DNM3: variants seen among roughly 807,000 people sequenced by gnomAD.
DNM3 encodes the protein dynamin 3.
A neutral mutation model predicts 101.6 loss-of-function variants in DNM3; 47 were observed. The observed-to-expected ratio is 0.46, with a 90% CI of 0.37 to 0.59. DNM3 has a LOEUF of 0.59. DNM3 is among the 20% of genes least tolerant of loss of function. The pLI is 0.00. For synonymous variants in DNM3, 385 were observed against 387.9 expected, an observed-to-expected ratio of 0.99 and a Z score of 0.09; for missense variants, 849 against 1,085.7, an observed-to-expected ratio of 0.78 and a Z score of 3.06.
chr1:172,111,772 T>G (rs1434426443), intron 13 of DNM3, among the ~76,000 whole-genome samples: 1 of 152,150 alleles, frequency 6.6e-6, no homozygotes, highest in East Asian at 1.9e-4. Flanking sequence ...TACCAGAGCT[T>G]CTTTATTTGT....
chr1:171,848,566 A>C (rs1385944778), intron 1 of DNM3, among the ~76,000 whole-genome samples: 1 of 152,204 alleles, frequency 6.6e-6, no homozygotes, highest in Non-Finnish European at 1.5e-5. Context: ...GAGCTTCTGA[A>C]AAGTTGTATG....
chr1:171,983,272 C>T (rs369747146), intron 2 of DNM3, among the ~76,000 whole-genome samples: 1 of 151,956 alleles, frequency 6.6e-6, no homozygotes, highest in Admixed American at 6.6e-5. Flanking sequence ...CCAGGCAACA[C>T]AGTGAGACCT....
chr1:172,061,653 T>A (rs375742586), intron 10 of DNM3, among the ~76,000 whole-genome samples: 4 of 136,918 alleles, frequency 2.9e-5, no homozygotes, highest in South Asian at 2.3e-4. Context: ...AACAATGAGA[T>A]CACATGGACA....
intron 4 of DNM3, among the ~76,000 whole-genome samples, chr1:172,002,228 T>G (rs2046398355): frequency 6.6e-6 from 1 of 152,078 alleles, no homozygotes; most frequent in South Asian, 2.1e-4. Flanking sequence ...TTGAATCAGT[T>G]AATATGTATG....
intron 4 of DNM3, among the ~76,000 whole-genome samples, chr1:172,009,254 T>C (rs1310254569): frequency 1.3e-5 from 2 of 148,328 alleles, no homozygotes; most frequent in African/African-American, 4.9e-5. Flanking sequence ...TCTAACCCTA[T>C]GCCAATAATG....
intron 1 of DNM3, among the ~76,000 whole-genome samples, chr1:171,885,787 A>G (rs1208712018): frequency 6.6e-6 from 1 of 152,122 alleles, no homozygotes; most frequent in Non-Finnish European, 1.5e-5. Flanking sequence ...CTTTTCTCCT[A>G]AAGGCAGACT....
At chr1:172,334,499 A>G (rs1168427576) in intron 17 of DNM3, among the ~76,000 whole-genome samples, 1 of 152,076 alleles carries the variant, frequency 6.6e-6, no homozygotes, top group Non-Finnish European at 1.5e-5. Flanking sequence ...AAAATGATAA[A>G]CCCTGATCTC....
intron 15 of DNM3, among the ~76,000 whole-genome samples, chr1:172,307,263 C>T (rs989990314): frequency 6.6e-6 from 1 of 152,074 alleles, no homozygotes; most frequent in African/African-American, 2.4e-5. Context: ...TTTATGCAGA[C>T]ACATGAAAAA....
rs557417496 is a variant in DNM3, at chr1:172,197,134, A to C, written c.1660-56439A>C. 2.6e-5 allele frequency among the ~76,000 whole-genome samples: 4 copies of C among 152,272 alleles called. No homozygotes were observed. The South Asian group carries it at 8.3e-4, about 32-fold the overall frequency. The stretch of plus-strand genomic sequence containing the variant: ...TTCAGTCTTCTGCATATGGCTAGCC[A>C]GTTATCCCAGCACCATTTATTGAAT... On this transcript the variant is annotated intron_variant, in intron 14 of 20. Transcript: ENST00000627582.
intron 15 of DNM3, among the ~76,000 whole-genome samples, chr1:172,297,874 TA>T (rs540381446): frequency 2.6e-4 from 39 of 152,178 alleles, no homozygotes; most frequent in African/African-American, 8.4e-4. Context: ...AGCTTCTTTT[TA>T]AAAAAATATG....
chr1:172,258,364 T>C (rs1326930364), intron 15 of DNM3, among the ~76,000 whole-genome samples: 1 of 152,114 alleles, frequency 6.6e-6, no homozygotes. Context: ...ATAATAGCTG[T>C]GCTGATTTAC....
At chr1:172,223,002 C>T (rs1204971479) in intron 14 of DNM3, among the ~76,000 whole-genome samples, 1 of 152,012 alleles carries the variant, frequency 6.6e-6, no homozygotes, top group Admixed American at 6.6e-5. Context: ...TGTTTCCATA[C>T]ACGTATACAT....
intron 14 of DNM3, chr1:172,137,173 G>T (rs2057284017): frequency 6.6e-6 from 1 of 152,092 alleles, no homozygotes; most frequent in Non-Finnish European, 1.5e-5. Context: ...ACTCTCATAG[G>T]CAGCATTTGC....
chr1:171,901,667 T>C (rs1228192359), intron 1 of DNM3, among the ~76,000 whole-genome samples: 2 of 152,228 alleles, frequency 1.3e-5, no homozygotes, highest in Admixed American at 6.5e-5. Context: ...TAATAGCAAC[T>C]GAAGGCATCA....
intron 1 of DNM3, among the ~76,000 whole-genome samples, chr1:171,904,263 G>A (rs2038625634): frequency 6.6e-6 from 1 of 152,166 alleles, no homozygotes; most frequent in Non-Finnish European, 1.5e-5. Context: ...AGCTGAGATT[G>A]TGCCACTGCA....
chr1:171,927,636 G>A (rs2040684847), intron 2 of DNM3, among the ~76,000 whole-genome samples: 1 of 152,072 alleles, frequency 6.6e-6, no homozygotes, highest in Non-Finnish European at 1.5e-5. Flanking sequence ...TGACAGATTA[G>A]ATTTAAAAAA....
intron 14 of DNM3, among the ~76,000 whole-genome samples, chr1:172,234,664 T>G (rs1184441930): frequency 6.6e-6 from 1 of 152,078 alleles, no homozygotes; most frequent in African/African-American, 2.4e-5. Flanking sequence ...CAAAACAGCA[T>G]GGTACTGGTA....
chr1:172,105,725 C>A (rs573891869), intron 13 of DNM3, among the ~76,000 whole-genome samples: 1 of 152,232 alleles, frequency 6.6e-6, no homozygotes, highest in Non-Finnish European at 1.5e-5. Flanking sequence ...GTTTTCCCAT[C>A]CAAACAGTTA....
At chr1:172,417,713 T>C (rs767592947), downstream of DNM3, among the ~76,000 whole-genome samples, 5 of 152,178 alleles carry the variant, frequency 3.3e-5, no homozygotes, top group Non-Finnish European at 7.3e-5. Flanking sequence ...TTACAAATCC[T>C]TTTTTTCTGA....
Sources: gnomAD v4.1 joint callset for allele counts (sites outside exome capture counted in the v4.1 genomes callset) on GRCh38, gnomAD v4.1.1 for gene constraint, MANE v1.5 for transcripts, NCBI Gene and HGNC (gene_info 2026-07-23, HGNC 2026-07-21) for gene names.